The following SSPN variants were observed in gnomAD, a reference collection of about 807,000 sequenced individuals.
SSPN encodes the protein K-ras oncogene-associated protein.
In SSPN, 15 loss-of-function variants were observed where a neutral mutation model predicts 19.1. The observed-to-expected ratio is 0.78, with a 90% CI of 0.52 to 1.21. SSPN has a LOEUF of 1.21. Among genes scored for constraint, SSPN ranks in the 50% most tolerant of loss-of-function variants. SSPN has a pLI of 0.00. For synonymous variants in SSPN, 147 were observed against 140.3 expected, an observed-to-expected ratio of 1.05 and a Z score of -0.34; for missense variants, 291 against 314.0, an observed-to-expected ratio of 0.93 and a Z score of 0.55.
intron 1 of SSPN, among the ~76,000 whole-genome samples, chr12:26,126,808 C>G (rs1201640517): frequency 6.6e-6 from 1 of 152,246 alleles, no homozygotes; most frequent in Admixed American, 6.5e-5. Flanking sequence ...CTTTTAAGGT[C>G]TCTCGACTTC....
chr12:26,138,093 T>G (rs540291590), intron 1 of SSPN, among the ~76,000 whole-genome samples: 292 of 152,312 alleles, frequency 1.9e-3, no homozygotes, highest in African/African-American at 6.9e-3. Flanking sequence ...TAGCATTTGC[T>G]TATAACCTAT....
intron 1 of SSPN, among the ~76,000 whole-genome samples, chr12:26,160,683 T>C (rs1944582237): frequency 6.6e-6 from 1 of 152,228 alleles, no homozygotes; most frequent in South Asian, 2.1e-4. Context: ...TAGTCTCCCT[T>C]ATCTACTATC....
chr12:26,184,784 G>A (rs1157451268), intron 1 of SSPN, among the ~76,000 whole-genome samples: 3 of 151,910 alleles, frequency 2.0e-5, no homozygotes, highest in African/African-American at 7.3e-5. Context: ...AGAGAGGAAG[G>A]GAGTAAAAAC....
chr12:26,229,502 A>G (rs1945209010), intron 2 of SSPN, among the ~76,000 whole-genome samples: 2 of 152,248 alleles, frequency 1.3e-5, no homozygotes, highest in African/African-American at 4.8e-5. Flanking sequence ...CATTTGGAGG[A>G]CTTTTGTACA....
chr12:26,163,993 A>T (rs969587831), intron 1 of SSPN, among the ~76,000 whole-genome samples: 3 of 152,226 alleles, frequency 2.0e-5, no homozygotes, highest in Non-Finnish European at 4.4e-5. Context: ...TATCATTTGA[A>T]TGTTTATCTT....
upstream of SSPN, chr12:26,195,481 C>G: frequency 9.8e-7 from 1 of 1,024,724 alleles, no homozygotes; most frequent in Non-Finnish European, 1.3e-6. Context: ...GTTGGCGACC[C>G]CCCTCGAATC....
intron 1 of SSPN, among the ~76,000 whole-genome samples, chr12:26,201,040 T>TAAA (rs1565685515): frequency 2.8e-4 from 17 of 61,810 alleles, no homozygotes; most frequent in African/African-American, 8.1e-4. Flanking sequence ...TATATATATA[T>TAAA]ATATATTATA....
chr12:26,211,143 C>G (rs1412602249), intron 1 of SSPN: 1 of 152,154 alleles, frequency 6.6e-6, no homozygotes, highest in Non-Finnish European at 1.5e-5. Context: ...TGTCCTATGA[C>G]TGTTCAGCCC....
At chr12:26,186,283 C>T (rs566654930) in intron 1 of SSPN, among the ~76,000 whole-genome samples, 12 of 151,950 alleles carry the variant, frequency 7.9e-5, no homozygotes, top group South Asian at 4.2e-4. Context: ...GGTGCCTATA[C>T]GTATCTATTA....
At chr12:26,206,592 A>G (rs939858948) in intron 1 of SSPN, among the ~76,000 whole-genome samples, 1 of 152,192 alleles carries the variant, frequency 6.6e-6, no homozygotes, top group African/African-American at 2.4e-5. Context: ...TGGCTAAGTA[A>G]TGAAATCCAG....
chr12:26,140,756 A>C (rs1226510151), intron 1 of SSPN, among the ~76,000 whole-genome samples: 1 of 152,162 alleles, frequency 6.6e-6, no homozygotes, highest in Non-Finnish European at 1.5e-5. Context: ...AGGCCTCCCC[A>C]GCCATGCTGC....
At chr12:26,124,945 C>A in intron 1 of SSPN, 2 of 721,928 alleles carry the variant, frequency 2.8e-6, no homozygotes, top group South Asian at 1.5e-5. Context: ...GGTCCCCCCC[C>A]TCCACCGCGC....
At chr12:26,213,028 A>G (rs1236122784) in intron 1 of SSPN, among the ~76,000 whole-genome samples, 1 of 152,012 alleles carries the variant, frequency 6.6e-6, no homozygotes, top group Admixed American at 6.6e-5. Context: ...CGCCATGGAT[A>G]TCTGCACACT....
chr12:26,209,102 A>G (rs901721377), intron 1 of SSPN, among the ~76,000 whole-genome samples: 1 of 152,102 alleles, frequency 6.6e-6, no homozygotes, highest in African/African-American at 2.4e-5. Flanking sequence ...TCAAGTTCCA[A>G]GAAAAATACT....
intron 1 of SSPN, among the ~76,000 whole-genome samples, chr12:26,166,180 T>C (rs1944619967): frequency 6.6e-6 from 1 of 152,116 alleles, no homozygotes; most frequent in African/African-American, 2.4e-5. Context: ...TAGATGACGG[T>C]TGATGAGTGT....
intron 1 of SSPN, chr12:26,124,254 C>CG: frequency 4.0e-6 from 2 of 496,954 alleles, no homozygotes; most frequent in Non-Finnish European, 7.1e-6. Context: ...CCCTCGTCTG[C>CG]CCCCCCCGCC....
chr12:26,206,330 G>A (rs1944931234), intron 1 of SSPN, among the ~76,000 whole-genome samples: 1 of 152,022 alleles, frequency 6.6e-6, no homozygotes, highest in Non-Finnish European at 1.5e-5. Flanking sequence ...TTTTCATAAA[G>A]TACTCTCAAT....
At chr12:26,208,206 G>A (rs939054288) in intron 1 of SSPN, among the ~76,000 whole-genome samples, 2 of 152,094 alleles carry the variant, frequency 1.3e-5, no homozygotes, top group East Asian at 1.9e-4. Flanking sequence ...TATAGACATC[G>A]TCAAATTACT....
chr12:26,163,298 A>C (rs910165747), intron 1 of SSPN, among the ~76,000 whole-genome samples: 1 of 152,176 alleles, frequency 6.6e-6, no homozygotes, highest in Non-Finnish European at 1.5e-5. Context: ...GTACTAATCA[A>C]TTGTTAAGGT....
Sources: allele counts gnomAD v4.1 joint callset (sites outside exome capture counted in the v4.1 genomes callset), GRCh38; gene constraint gnomAD v4.1.1; transcripts MANE v1.5; gene names NCBI Gene and HGNC (gene_info 2026-07-23, HGNC 2026-07-21).